Variants in QSOX1 observed in about 807,000 individuals in gnomAD.
QSOX1 encodes the protein sulfhydryl oxidase 1.
Under a neutral mutation model 76.1 loss-of-function variants are expected in QSOX1, and 40 were observed. The observed-to-expected ratio is 0.53, with a 90% CI of 0.41 to 0.68. The LOEUF (loss-of-function observed/expected upper bound fraction) is 0.68. Among genes scored for constraint, QSOX1 ranks in the 30% least tolerant of loss-of-function variants. The pLI is 0.00. For missense variants in QSOX1, 931 were observed against 974.3 expected (o/e 0.96, Z 0.59); for synonymous variants, 392 against 413.1 (o/e 0.95, Z 0.62).
Position 180,201,130 on chromosome 1 carries a change from G to C in QSOX1, c.*4093G>C, listed in dbSNP as rs1447477929. On this transcript the variant is annotated 3_prime_UTR_variant, in exon 12 of 12. Coordinates refer to ENST00000367602, the MANE Select transcript of QSOX1 (RefSeq NM_002826.5). ...AATTGGGGCCGCAGACTTAGTTTGC[G>C]GGTCCCTGCTAAATTCCTCTCCCTC... 6.6e-6 allele frequency: 1 copy of C among 152,122 alleles called. No homozygotes were observed. Among genetic ancestry groups the C allele is most frequent in the Non-Finnish European group, 1.5e-5 (1 of 68,018 alleles). The allele number at this position is 152,122 out of a possible 1,614,324, so 9.4% of individuals were successfully genotyped here. A position where few individuals can be genotyped will look rare whatever the true frequency, so the allele number is the denominator to read the frequency against.
chr1:180,155,191 C>T lies in QSOX1; in HGVS notation c.265+19C>T, dbSNP rs984284146. The T allele has an allele frequency of 3.4e-6, 5 of 1,472,822 alleles. No individual in the cohort carries two copies. Among genetic ancestry groups the T allele is most frequent in the Middle Eastern group, 2.4e-4 (1 of 4,184 alleles). The allele number at this position is 1,472,822 out of a possible 1,614,324, so 91.2% of individuals were successfully genotyped here. A position where few individuals can be genotyped will look rare whatever the true frequency, so the allele number is the denominator to read the frequency against. On this transcript the variant is annotated intron_variant, in intron 1 of 11. Transcript: ENST00000367602. Reference sequence around the variant, plus strand: ...GTCAAAGGTGAGAAGCGGGGGCGGCCCGCTCCCCCGTGCCCCGCCGCCCGG... The same window carrying T: ...GTCAAAGGTGAGAAGCGGGGGCGGCTCGCTCCCCCGTGCCCCGCCGCCCGG...
At chr1:180,163,071 G>A (rs1477879652) in intron 1 of QSOX1, among the ~76,000 whole-genome samples, 1 of 150,520 alleles carries the variant, frequency 6.6e-6, no homozygotes, top group Non-Finnish European at 1.5e-5. Context: ...AGAAAACCTT[G>A]TTTTAACAGA....
intron 8 of QSOX1, among the ~76,000 whole-genome samples, chr1:180,187,640 A>G (rs1663207909): frequency 6.6e-6 from 1 of 152,252 alleles, no homozygotes; most frequent in Non-Finnish European, 1.5e-5. Flanking sequence ...AGATACAGAA[A>G]AGTCCCTGAG....
chr1:180,197,396 C>T lies in QSOX1; in HGVS notation c.*359C>T. ...GTCTCTCCTGCTTGGTCTTGGCCCT[C>T]AACTGGGGCAAGTGAAGCCAGAGGA... On this transcript the variant is annotated 3_prime_UTR_variant, in exon 12 of 12. Coordinates refer to ENST00000367602, the MANE Select transcript of QSOX1 (RefSeq NM_002826.5). The T allele has an allele frequency of 2.5e-6, 4 of 1,612,388 alleles. No homozygotes were observed. Among genetic ancestry groups the T allele is most frequent in the South Asian group, 1.1e-5 (1 of 91,038 alleles).
At chr1:180,189,139 G>A (rs758848073) in intron 8 of QSOX1, among the ~76,000 whole-genome samples, 109 of 152,222 alleles carry the variant, frequency 7.2e-4, no homozygotes, top group Non-Finnish European at 8.4e-4. Context: ...AGCTCTATCC[G>A]AGGACCACCC....
chr1:180,155,701 A>G (rs1206646595), intron 1 of QSOX1, among the ~76,000 whole-genome samples: 2 of 151,816 alleles, frequency 1.3e-5, no homozygotes, highest in Non-Finnish European at 2.9e-5. Context: ...TGGTACATAG[A>G]CTTCCTTTCT....
At chr1:180,164,246 G>C (rs938649902) in intron 1 of QSOX1, among the ~76,000 whole-genome samples, 1 of 152,220 alleles carries the variant, frequency 6.6e-6, no homozygotes, top group Non-Finnish European at 1.5e-5. Context: ...ATAGGCTCAA[G>C]TTGCTATCCT....
intron 5 of QSOX1, among the ~76,000 whole-genome samples, chr1:180,180,200 A>ATATTTATT (rs1231195655): frequency 6.6e-6 from 1 of 152,170 alleles, no homozygotes; most frequent in Non-Finnish European, 1.5e-5. Flanking sequence ...TAGGAGCTTT[A>ATATTTATT]TATTTATTTA....
rs760402375 is a variant in QSOX1 at position 180,154,945 on chromosome 1, C to CGCT, written c.55_57dup (p.Leu19dup). ...AACAGCGGCTCCGGGCCGCCGCCGT[C>CGCT]GCTGCTGCTGCTGCTGCTGTGGCTG... On this transcript the variant is annotated inframe_insertion, in exon 1 of 12. Transcript: ENST00000367602. 637 of 1,482,192 alleles carry CGCT rather than the reference C, an allele frequency of 4.3e-4. 2 individuals carry two copies. Among genetic ancestry groups the CGCT allele is most frequent in the East Asian group, 9.4e-4 (33 of 35,290 alleles). 91.8% of individuals were successfully genotyped at this position (1,482,192 alleles called of 1,614,324 possible). A position where few individuals can be genotyped will look rare whatever the true frequency, so the allele number is the denominator to read the frequency against.
chr1:180,184,288 G>A (rs1423043363), intron 7 of QSOX1, among the ~76,000 whole-genome samples: 7 of 152,176 alleles, frequency 4.6e-5, no homozygotes, highest in Admixed American at 4.6e-4. Flanking sequence ...GCTGACTGGG[G>A]AATGAACACC....
chr1:180,181,440 A>G lies in QSOX1; in HGVS notation c.607-734A>G, dbSNP rs181904938. On this transcript the variant is annotated intron_variant, in intron 5 of 11. Coordinates refer to ENST00000367602, the MANE Select transcript of QSOX1 (RefSeq NM_002826.5). ...GCCCCACGTTAAGAAACGTTTTCAG[A>G]TCTTCTTATAACTATACACATTGAC... Among the ~76,000 whole-genome samples, 69 of 152,244 alleles carry G rather than the reference A, an allele frequency of 4.5e-4. 1 individual carries two copies. The East Asian group carries it at 0.011, about 25-fold the overall frequency.
intron 5 of QSOX1, among the ~76,000 whole-genome samples, chr1:180,181,417 C>T (rs1338571346): frequency 6.6e-6 from 1 of 152,122 alleles, no homozygotes; most frequent in Non-Finnish European, 1.5e-5. Flanking sequence ...TTCAGAGAGC[C>T]CCACGTTAAG....
rs116366713 is a variant in QSOX1, at chr1:180,164,776, A to T, written c.266-1715A>T. 2.0e-3 allele frequency among the ~76,000 whole-genome samples: 307 copies of T among 152,342 alleles called. No individual in the cohort carries two copies. In the Middle Eastern group the frequency reaches 0.024, roughly 12 times the overall value. On this transcript the variant is annotated intron_variant, in intron 1 of 11. Transcript: ENST00000367602. The stretch of plus-strand genomic sequence containing the variant: ...ATTAGGGTGTTTTTGCATTGATAAA[A>T]GTAAGTACCTGAGGCTAGGTAATTT...
chr1:180,194,261 T>C lies in QSOX1; in HGVS notation c.1337T>C (p.Phe446Ser). The C allele has an allele frequency of 1.2e-6, 2 of 1,613,216 alleles. No homozygotes were observed. Among genetic ancestry groups the C allele is most frequent in the Non-Finnish European group, 1.7e-6 (2 of 1,179,482 alleles). The change falls in exon 11 of 12, where the codon TTC becomes TCC. Residue 446 changes from phenylalanine (F) to serine (S), a missense_variant. Coordinates refer to ENST00000367602, the MANE Select transcript of QSOX1 (RefSeq NM_002826.5). ...LPAIRGYVHY[F>S]FGCRDCASHF... ...GCCATCCGAGGCTACGTGCACTACT[T>C]CTTCGGCTGCCGAGACTGCGCTAGC...
chr1:180,197,084 C>T lies in QSOX1; in HGVS notation c.*47C>T, dbSNP rs771674827. 6 of 1,553,516 alleles carry T rather than the reference C, an allele frequency of 3.9e-6. No individual in the cohort carries two copies. In the Admixed American group the frequency reaches 5.6e-5, roughly 15 times the overall value. On this transcript the variant is annotated 3_prime_UTR_variant, in exon 12 of 12. Coordinates refer to ENST00000367602, the MANE Select transcript of QSOX1 (RefSeq NM_002826.5). ...AGAGGGAGCTGCCATCTCTAGGCAC[C>T]TCAAGCCCCCTGACCCCATTCCCTC...
chr1:180,160,951 T>C (rs565999975), intron 1 of QSOX1, among the ~76,000 whole-genome samples: 4 of 152,200 alleles, frequency 2.6e-5, no homozygotes, highest in Non-Finnish European at 5.9e-5. Flanking sequence ...ATCCATCTTA[T>C]AGGTAGATGA....
At chr1:180,182,456 T>A in intron 6 of QSOX1, 137 bp downstream of exon 6, 1 of 1,245,958 alleles carries the variant, frequency 8.0e-7, no homozygotes, top group Non-Finnish European at 1.1e-6. Context: ...AGCTGCAGTC[T>A]GCTGTCTGCG....
intron 3 of QSOX1, among the ~76,000 whole-genome samples, chr1:180,175,701 C>T (rs1318295026): frequency 6.6e-6 from 1 of 152,192 alleles, no homozygotes; most frequent in Non-Finnish European, 1.5e-5. Flanking sequence ...ACTCCCAGTT[C>T]TGAGGGATTC....
At chr1:180,184,459 T>C (rs779128758) in intron 7 of QSOX1, among the ~76,000 whole-genome samples, 8 of 150,486 alleles carry the variant, frequency 5.3e-5, no homozygotes, top group Non-Finnish European at 1.2e-4. Flanking sequence ...GCAGCAGATA[T>C]GTACAGGCAG....
Sources: gnomAD v4.1 joint callset for allele counts (sites outside exome capture counted in the v4.1 genomes callset) on GRCh38, gnomAD v4.1.1 for gene constraint, MANE v1.5 for transcripts, NCBI Gene and HGNC (gene_info 2026-07-23, HGNC 2026-07-21) for gene names.